The following RFFL variants were observed in gnomAD, a reference collection of about 807,000 sequenced individuals.
RFFL encodes ring finger and FYVE like domain containing E3 ubiquitin protein ligase.
In RFFL, 16 loss-of-function variants were observed where a neutral mutation model predicts 40.4. The observed-to-expected ratio is 0.40, with a 90% CI of 0.27 to 0.60. The LOEUF is 0.60. RFFL is among the 20% of genes least tolerant of loss of function. RFFL has a pLI of 0.47. For missense variants in RFFL, 367 were observed against 451.7 expected (o/e 0.81, Z 1.70); for synonymous variants, 154 against 167.9 (o/e 0.92, Z 0.64).
At chr17:35,012,439 T>C (rs2090946809) in intron 6 of RFFL, among the ~76,000 whole-genome samples, 1 of 152,162 alleles carries the variant, frequency 6.6e-6, no homozygotes, top group African/African-American at 2.4e-5. Context: ...AAGGCAAAGT[T>C]CTCAAAGCTT....
intron 1 of RFFL, among the ~76,000 whole-genome samples, chr17:35,031,677 G>C (rs780912021): frequency 1.3e-5 from 2 of 151,962 alleles, no homozygotes; most frequent in Admixed American, 6.6e-5. Flanking sequence ...GACCAGAGAA[G>C]ACTTTTCAAA....
intron 1 of RFFL, among the ~76,000 whole-genome samples, chr17:35,048,354 A>G (rs1275666460): frequency 6.6e-6 from 1 of 151,988 alleles, no homozygotes; most frequent in Admixed American, 6.6e-5. Context: ...GTGAGCCGAG[A>G]TCACGCCACT....
At position 35,021,799 on chromosome 17, in the gene RFFL, C is replaced by G. The variant is rs1020141464; in HGVS notation, c.181-18G>C. 1.2e-6 allele frequency: 2 copies of G among 1,613,900 alleles called. No homozygotes were observed. Among genetic ancestry groups the G allele is most frequent in the Non-Finnish European group, 1.7e-6 (2 of 1,179,764 alleles). On this transcript the variant is annotated intron_variant, in intron 2 of 6. Transcript: ENST00000394597. Reference sequence around the variant, plus strand: ...CAGGTCTGCTGCTTAGAGCAAAAGACACAGGAAACCATGTCAGATTGAGAG... The same window carrying G: ...CAGGTCTGCTGCTTAGAGCAAAAGAGACAGGAAACCATGTCAGATTGAGAG...
At chr17:35,037,087 GA>G (rs2091128295) in intron 1 of RFFL, among the ~76,000 whole-genome samples, 1 of 152,106 alleles carries the variant, frequency 6.6e-6, no homozygotes, top group Non-Finnish European at 1.5e-5. Flanking sequence ...CTACATCTTG[GA>G]ATTAACACAC....
At chr17:35,026,993 G>A (rs575830587) in intron 1 of RFFL, among the ~76,000 whole-genome samples, 4 of 152,244 alleles carry the variant, frequency 2.6e-5, no homozygotes, top group Middle Eastern at 3.4e-3. Context: ...GAGCCATGGC[G>A]CTGAGCTGGG....
chr17:35,080,243 T>G (rs1310103192), intron 1 of RFFL, among the ~76,000 whole-genome samples: 2 of 152,176 alleles, frequency 1.3e-5, no homozygotes. Flanking sequence ...CCAACCCAAC[T>G]GCAAATGGTT....
chr17:35,088,866 A>C (rs1300378129), intron 1 of RFFL: 1 of 152,314 alleles, frequency 6.6e-6, no homozygotes, highest in African/African-American at 2.4e-5. Context: ...CCCACAGGTG[A>C]AACGCTTTCT....
intron 1 of RFFL, among the ~76,000 whole-genome samples, chr17:35,033,969 C>T (rs532277040): frequency 2.4e-4 from 36 of 151,790 alleles, no homozygotes; most frequent in African/African-American, 8.5e-4. Context: ...AGTGAAACCC[C>T]GTCTCTACTG....
In RFFL at chr17:35,039,220, T is replaced by A. The variant is rs138536630; in HGVS notation, c.-8-12659A>T. Among the ~76,000 whole-genome samples, 308 of 152,002 alleles carry A rather than the reference T, an allele frequency of 2.0e-3. 2 individuals carry two copies. Among genetic ancestry groups the A allele is most frequent in the African/African-American group, 7.1e-3 (295 of 41,454 alleles). On this transcript the variant is annotated intron_variant, in intron 1 of 6. Coordinates refer to ENST00000394597, the MANE Select transcript of RFFL (RefSeq NM_001017368.2). ...CTGCACCCAGCCCATATGACAGATT[T>A]TTTTCTTTTCTTTTTTTTGAGACGC...
intron 1 of RFFL, among the ~76,000 whole-genome samples, chr17:35,060,559 A>G (rs1251874586): frequency 6.6e-6 from 1 of 152,210 alleles, no homozygotes; most frequent in Non-Finnish European, 1.5e-5. Context: ...AAATAAAACC[A>G]TATGAGGGAA....
At chr17:35,050,586 T>A (rs1304288136) in intron 1 of RFFL, among the ~76,000 whole-genome samples, 1 of 150,062 alleles carries the variant, frequency 6.7e-6, no homozygotes, top group Admixed American at 6.7e-5. Flanking sequence ...CTCAAACTCC[T>A]GGGCTCAAGC....
chr17:35,011,778 G>A lies in RFFL; in HGVS notation c.*190C>T. On this transcript the variant is annotated 3_prime_UTR_variant, in exon 7 of 7. Coordinates refer to ENST00000394597, the MANE Select transcript of RFFL (RefSeq NM_001017368.2). ...TTATACAAGTTCCCACTGGCCTTGG[G>A]CTTTGCCAGCCAAGAGGTACACCCC... is the stretch of plus-strand genomic sequence containing the variant. 1 of 595,856 alleles carries A rather than the reference G, an allele frequency of 1.7e-6. No individual in the cohort carries two copies. The highest frequency in any genetic ancestry group is 2.8e-5 in the East Asian group (1 of 35,520). 36.9% of individuals were successfully genotyped at this position (595,856 alleles called of 1,614,324 possible).
intron 1 of RFFL, among the ~76,000 whole-genome samples, chr17:35,048,305 G>T (rs1225645291): frequency 2.6e-5 from 4 of 151,868 alleles, no homozygotes; most frequent in Admixed American, 2.6e-4. Flanking sequence ...GGGAGGTTGA[G>T]ACAGGAGAAC....
intron 1 of RFFL, chr17:35,042,379 A>G (rs966286640): frequency 6.6e-6 from 1 of 152,204 alleles, no homozygotes. Context: ...GCTGGTGACA[A>G]CACAATGAGC....
At chr17:35,067,140 G>A (rs1028020791), upstream of RFFL, among the ~76,000 whole-genome samples, 60 of 146,820 alleles carry the variant, frequency 4.1e-4, 1 homozygote, top group Admixed American at 3.7e-3. Flanking sequence ...TTTTTGAGAC[G>A]GAATCTCACT....
At chr17:35,078,953 C>T (rs1033042066) in intron 1 of RFFL, among the ~76,000 whole-genome samples, 2 of 149,234 alleles carry the variant, frequency 1.3e-5, no homozygotes, top group Admixed American at 6.7e-5. Flanking sequence ...GAACTCCAGC[C>T]TGGGTGACAG....
intron 1 of RFFL, among the ~76,000 whole-genome samples, chr17:35,079,908 T>C (rs1257433676): frequency 1.3e-5 from 2 of 152,188 alleles, no homozygotes; most frequent in East Asian, 1.9e-4. Flanking sequence ...ATATGATAAG[T>C]AGACAAACAT....
At chr17:35,021,811 T>G in intron 2 of RFFL, 30 bp from the exon 3 acceptor site, 1 of 1,612,670 alleles carries the variant, frequency 6.2e-7, no homozygotes. Context: ...CAGGAAACCA[T>G]GTCAGATTGA....
upstream of RFFL, among the ~76,000 whole-genome samples, chr17:35,067,116 ATT>A (rs542174092): frequency 1.9e-4 from 27 of 138,982 alleles, no homozygotes; most frequent in African/African-American, 1.9e-4. Flanking sequence ...CAGAAACTGA[ATT>A]TTTTTTTTTT....
Sources: gnomAD v4.1 joint callset for allele counts (sites outside exome capture counted in the v4.1 genomes callset) on GRCh38, gnomAD v4.1.1 for gene constraint, MANE v1.5 for transcripts, NCBI Gene and HGNC (gene_info 2026-07-23, HGNC 2026-07-21) for gene names.